The following PCLO variants were observed in gnomAD, a reference collection of about 807,000 sequenced individuals.
The protein encoded by PCLO is piccolo presynaptic cytomatrix protein, also known as protein piccolo.
PCLO carries 82 observed loss-of-function variants against 427.5 expected under a neutral mutation model. The observed-to-expected ratio is 0.19, with a 90% CI of 0.16 to 0.23. The LOEUF (loss-of-function observed/expected upper bound fraction) is 0.23. PCLO is among the 10% of genes least tolerant of loss of function. PCLO has a pLI of 1.00. For synonymous variants in PCLO, 2,357 were observed against 2,155.4 expected (o/e 1.09, Z -2.59); for missense variants, 6,239 against 6,115.9 (o/e 1.02, Z -0.67).
intron 3 of PCLO, among the ~76,000 whole-genome samples, chr7:83,107,250 T>C (rs1051328730): frequency 3.3e-5 from 5 of 152,148 alleles, no homozygotes; most frequent in Admixed American, 6.6e-5. Flanking sequence ...TGAATAATCA[T>C]AGGAAATAAA....
At chr7:82,765,656 T>A (rs1790517884) in intron 22 of PCLO, among the ~76,000 whole-genome samples, 1 of 152,042 alleles carries the variant, frequency 6.6e-6, no homozygotes, top group African/African-American at 2.4e-5. Flanking sequence ...ACATTTTGTT[T>A]ATACATTCTT....
intron 10 of PCLO, among the ~76,000 whole-genome samples, chr7:82,865,333 CA>C (rs1379413044): frequency 1.3e-5 from 2 of 151,876 alleles, no homozygotes; most frequent in Non-Finnish European, 2.9e-5. Flanking sequence ...ACTAAAAATA[CA>C]AAAAGTAGCC....
intron 10 of PCLO, among the ~76,000 whole-genome samples, chr7:82,866,696 A>ACACC (rs1554344142): frequency 1.4e-5 from 2 of 140,438 alleles, no homozygotes; most frequent in Non-Finnish European, 3.1e-5. Flanking sequence ...ACACACACAC[A>ACACC]CCCCTTTAAT....
At chr7:82,994,119 A>G (rs1796440701) in intron 3 of PCLO, among the ~76,000 whole-genome samples, 1 of 152,072 alleles carries the variant, frequency 6.6e-6, no homozygotes, top group Non-Finnish European at 1.5e-5. Flanking sequence ...TGAAGCCATA[A>G]TTTTAGACTC....
chr7:82,911,876 C>A (rs1056096510), intron 7 of PCLO, among the ~76,000 whole-genome samples: 1 of 152,114 alleles, frequency 6.6e-6, no homozygotes, highest in Admixed American at 6.5e-5. Flanking sequence ...CCGCCTCAGC[C>A]TCCCAAAGTG....
chr7:82,944,024 G>A (rs1267863019), intron 6 of PCLO, among the ~76,000 whole-genome samples: 1 of 149,616 alleles, frequency 6.7e-6, no homozygotes, highest in Non-Finnish European at 1.5e-5. Context: ...GCAAGCACCT[G>A]TAATCCCAGC....
chr7:82,758,968 T>C (rs1459100069), intron 24 of PCLO, among the ~76,000 whole-genome samples: 5 of 151,886 alleles, frequency 3.3e-5, no homozygotes. Context: ...CTGAAGAATG[T>C]GAGAATACTA....
intron 22 of PCLO, among the ~76,000 whole-genome samples, chr7:82,785,407 G>C (rs1490505334): frequency 6.6e-6 from 1 of 152,134 alleles, no homozygotes; most frequent in Admixed American, 6.5e-5. Flanking sequence ...GTTTCTAACA[G>C]GCCACAGACC....
chr7:83,135,175 G>A lies in PCLO; in HGVS notation c.2375C>T (p.Thr792Ile), dbSNP rs758022612. ...GGCAGAGTCTGTTTTTAGAGGAGGG[G>A]TTGTTTTCTCTTCAGCTTGTGACTG... ...KVQSQAEEKTTPPLKTDSAKP... is the reference protein window; with the variant it reads ...KVQSQAEEKTIPPLKTDSAKP... The change falls in exon 3 of 25, where the codon ACC becomes ATC. Residue 792 changes from threonine (T) to isoleucine (I), a missense_variant. By Grantham distance (89) the Thr-to-Ile change is moderately conservative. Transcript: ENST00000333891. 7 of 1,613,886 alleles carry A rather than the reference G, an allele frequency of 4.3e-6. No individual in the cohort carries two copies. In the East Asian group the frequency reaches 1.6e-4, roughly 36 times the overall value.
intron 2 of PCLO, among the ~76,000 whole-genome samples, chr7:83,140,852 C>A (rs1414489635): frequency 6.6e-6 from 1 of 152,218 alleles, no homozygotes; most frequent in Non-Finnish European, 1.5e-5. Flanking sequence ...TTATCTCCAA[C>A]ACTGAGTAGA....
chr7:82,896,374 T>C (rs1329138068), intron 9 of PCLO, among the ~76,000 whole-genome samples: 1 of 151,764 alleles, frequency 6.6e-6, no homozygotes, highest in South Asian at 2.1e-4. Flanking sequence ...AAAAAACTAG[T>C]AAATGAGAGA....
chr7:82,811,294 T>A (rs1268766147), intron 20 of PCLO, among the ~76,000 whole-genome samples: 1 of 151,542 alleles, frequency 6.6e-6, no homozygotes, highest in African/African-American at 2.4e-5. Flanking sequence ...TAGCTTTAAT[T>A]TAGCTAGTAT....
At chr7:82,805,914 A>G (rs1791448984) in intron 20 of PCLO, 85 bp from the exon 21 acceptor site, 2 of 1,323,388 alleles carry the variant, frequency 1.5e-6, no homozygotes, top group African/African-American at 2.9e-5. Context: ...CATCTTCTTA[A>G]TTTACATGTG....
intron 10 of PCLO, among the ~76,000 whole-genome samples, chr7:82,873,447 G>A (rs891726734): frequency 6.6e-6 from 1 of 152,050 alleles, no homozygotes; most frequent in African/African-American, 2.4e-5. Flanking sequence ...TGGGGAAGAG[G>A]CTCAGTTTAA....
chr7:82,829,968 T>C (rs898528027), intron 16 of PCLO, among the ~76,000 whole-genome samples: 2 of 152,030 alleles, frequency 1.3e-5, no homozygotes, highest in Admixed American at 1.3e-4. Context: ...AAAAACTTAA[T>C]ATGGTATGGT....
At chr7:82,797,310 C>T (rs1191439911) in intron 22 of PCLO, among the ~76,000 whole-genome samples, 2 of 152,064 alleles carry the variant, frequency 1.3e-5, no homozygotes, top group South Asian at 2.1e-4. Context: ...GTTTAGGAGA[C>T]TTAATGGATC....
At chr7:83,004,006 C>T (rs1787886985) in intron 3 of PCLO, among the ~76,000 whole-genome samples, 1 of 151,428 alleles carries the variant, frequency 6.6e-6, no homozygotes, top group South Asian at 2.1e-4. Context: ...TTGTTTATTG[C>T]TGATTCAATC....
chr7:82,967,748 C>A (rs773708239), intron 3 of PCLO, among the ~76,000 whole-genome samples: 14 of 152,128 alleles, frequency 9.2e-5, no homozygotes, highest in Non-Finnish European at 1.9e-4. Flanking sequence ...TTAAAGAATT[C>A]CTCCCTGATT....
chr7:83,161,570 G>T (rs933448257), intron 1 of PCLO, among the ~76,000 whole-genome samples: 8 of 152,220 alleles, frequency 5.3e-5, no homozygotes, highest in African/African-American at 1.7e-4. Flanking sequence ...ACTTGCCTAT[G>T]CAAGTTGCCA....
Sources: allele counts gnomAD v4.1 joint callset (sites outside exome capture counted in the v4.1 genomes callset), GRCh38; gene constraint gnomAD v4.1.1; transcripts MANE v1.5; gene names NCBI Gene and HGNC (gene_info 2026-07-23, HGNC 2026-07-21).